The following CDH20 variants were observed in gnomAD, a reference collection of about 807,000 sequenced individuals.
CDH20 encodes cadherin-20.
CDH20 carries 29 observed loss-of-function variants against 74.2 expected under a neutral mutation model. That is an observed-to-expected ratio of 0.39 (90% confidence interval 0.29 to 0.53). CDH20 has a LOEUF of 0.53. Ranked by LOEUF, CDH20 falls within the 20% of genes least tolerant of loss-of-function variation. CDH20 has a pLI of 0.69. For synonymous variants in CDH20, 469 were observed against 405.4 expected (o/e 1.16, Z -1.88); for missense variants, 988 against 1,048.3 (o/e 0.94, Z 0.79).
At chr18:61,550,301 C>T in intron 11 of CDH20, 72 bp downstream of exon 11, 1 of 1,536,728 alleles carries the variant, frequency 6.5e-7, no homozygotes, top group South Asian at 1.2e-5. Flanking sequence ...CATTACCTTC[C>T]TGACACAGCT....
chr18:61,536,709 G>T, intron 8 of CDH20, 80 bp downstream of exon 8: 3 of 1,287,110 alleles, frequency 2.3e-6, no homozygotes, highest in Non-Finnish European at 3.3e-6. Context: ...AGAACTTGTT[G>T]TAACAAAAAT....
intron 1 of CDH20, among the ~76,000 whole-genome samples, chr18:61,380,365 T>C (rs372861621): frequency 7.2e-5 from 11 of 152,056 alleles, no homozygotes; most frequent in African/African-American, 2.7e-4. Context: ...ATAAATACCA[T>C]AGTAAAATTA....
intron 1 of CDH20, among the ~76,000 whole-genome samples, chr18:61,352,669 T>C (rs1244982299): frequency 6.6e-6 from 1 of 152,216 alleles, no homozygotes; most frequent in African/African-American, 2.4e-5. Context: ...CTGGACCACA[T>C]TGGCAAATAA....
chr18:61,482,361 G>A (rs995593179), intron 1 of CDH20, among the ~76,000 whole-genome samples: 40 of 152,238 alleles, frequency 2.6e-4, no homozygotes, highest in Middle Eastern at 3.4e-3. Context: ...AGTCATGATT[G>A]TTTCATCTTT....
chr18:61,418,070 T>G (rs1025694072), intron 1 of CDH20, among the ~76,000 whole-genome samples: 1 of 152,144 alleles, frequency 6.6e-6, no homozygotes. Flanking sequence ...ATATCATAAG[T>G]TAAAAAGCAA....
intron 1 of CDH20, among the ~76,000 whole-genome samples, chr18:61,388,799 G>A (rs917644874): frequency 3.3e-5 from 5 of 152,106 alleles, no homozygotes; most frequent in East Asian, 3.9e-4. Context: ...ATCATTTGAC[G>A]GCAACAAAAG....
At chr18:61,378,082 T>C (rs551734298) in intron 1 of CDH20, among the ~76,000 whole-genome samples, 1 of 152,304 alleles carries the variant, frequency 6.6e-6, no homozygotes, top group South Asian at 2.1e-4. Flanking sequence ...ACATCAGAAA[T>C]GGCTAAAATA....
intron 1 of CDH20, among the ~76,000 whole-genome samples, chr18:61,442,447 G>A (rs181823935): frequency 2.0e-3 from 301 of 151,934 alleles, no homozygotes; most frequent in Non-Finnish European, 3.1e-3. Context: ...CATCACAGTG[G>A]TTTTCCAGAA....
chr18:61,497,772 A>G (rs774611366), intron 2 of CDH20, among the ~76,000 whole-genome samples: 48 of 152,274 alleles, frequency 3.2e-4, no homozygotes, highest in Non-Finnish European at 5.7e-4. Context: ...CCCTGAATTT[A>G]TAGCTGGCCT....
chr18:61,486,017 G>A (rs770481925), intron 1 of CDH20, among the ~76,000 whole-genome samples: 5 of 152,172 alleles, frequency 3.3e-5, no homozygotes, highest in African/African-American at 4.8e-5. Flanking sequence ...AGCTTGTAGT[G>A]AGCTGAGACT....
chr18:61,483,617 T>C (rs922746162), intron 1 of CDH20, among the ~76,000 whole-genome samples: 2 of 152,222 alleles, frequency 1.3e-5, no homozygotes, highest in African/African-American at 4.8e-5. Context: ...ATTATTTCTA[T>C]CACTAGTATT....
intron 6 of CDH20, among the ~76,000 whole-genome samples, chr18:61,516,497 T>G (rs1912008760): frequency 6.6e-6 from 1 of 152,234 alleles, no homozygotes; most frequent in South Asian, 2.1e-4. Context: ...TAATTGAAGT[T>G]TCATTACTAT....
intron 1 of CDH20, among the ~76,000 whole-genome samples, chr18:61,412,876 T>C (rs957203894): frequency 6.6e-6 from 1 of 152,182 alleles, no homozygotes; most frequent in Non-Finnish European, 1.5e-5. Context: ...TACACACAAG[T>C]ATGTGAACAA....
At chr18:61,509,381 G>A (rs148379885) in intron 6 of CDH20, among the ~76,000 whole-genome samples, 36 of 152,280 alleles carry the variant, frequency 2.4e-4, no homozygotes, top group East Asian at 1.2e-3. Context: ...AAAAGCATAC[G>A]TGGCAGTCCT....
intron 1 of CDH20, among the ~76,000 whole-genome samples, chr18:61,418,220 C>A (rs1373537451): frequency 2.0e-5 from 3 of 151,884 alleles, no homozygotes; most frequent in Non-Finnish European, 2.9e-5. Context: ...AGAATAAAAT[C>A]AATAATAGGC....
chr18:61,391,454 C>A (rs1268623228), intron 1 of CDH20: 1 of 151,966 alleles, frequency 6.6e-6, no homozygotes, highest in Non-Finnish European at 1.5e-5. Flanking sequence ...ATACATAATA[C>A]AATTTGCAGA....
chr18:61,345,516 T>G (rs762059978), intron 1 of CDH20, among the ~76,000 whole-genome samples: 1 of 152,206 alleles, frequency 6.6e-6, no homozygotes. Flanking sequence ...ACTGCCTCGA[T>G]GAACCCCTTA....
At chr18:61,446,266 T>G (rs754667196) in intron 1 of CDH20, among the ~76,000 whole-genome samples, 2 of 152,170 alleles carry the variant, frequency 1.3e-5, no homozygotes, top group Non-Finnish European at 2.9e-5. Context: ...TTCACCTCCA[T>G]TCTGCTCAAC....
chr18:61,385,144 G>A (rs1339165444), intron 1 of CDH20, among the ~76,000 whole-genome samples: 1 of 152,004 alleles, frequency 6.6e-6, no homozygotes, highest in Non-Finnish European at 1.5e-5. Flanking sequence ...ATTTGTAGTA[G>A]AAAAAGGAAT....
Sources: gnomAD v4.1 joint callset for allele counts (sites outside exome capture counted in the v4.1 genomes callset) on GRCh38, gnomAD v4.1.1 for gene constraint, MANE v1.5 for transcripts, NCBI Gene and HGNC (gene_info 2026-07-23, HGNC 2026-07-21) for gene names.